ANKRD17: variants seen among roughly 807,000 people sequenced by gnomAD.
ANKRD17 encodes the protein ankyrin repeat domain 17.
In ANKRD17, 19 loss-of-function variants were observed where a neutral mutation model predicts 229.7. The observed-to-expected ratio is 0.08, with a 90% CI of 0.06 to 0.12. The LOEUF is 0.12. Among genes scored for constraint, ANKRD17 ranks in the 10% least tolerant of loss-of-function variants. The pLI is 1.00. For synonymous variants in ANKRD17, 1,112 were observed against 1,146.1 expected, an observed-to-expected ratio of 0.97 and a Z score of 0.60; for missense variants, 2,176 against 3,176.8, an observed-to-expected ratio of 0.68 and a Z score of 7.57.
intron 16 of ANKRD17, among the ~76,000 whole-genome samples, chr4:73,132,167 A>G (rs1182613888): frequency 1.3e-5 from 2 of 149,182 alleles, no homozygotes; most frequent in South Asian, 2.1e-4. Flanking sequence ...GTGCAGTGGT[A>G]TGATCTTGGC....
At chr4:73,160,279 C>T (rs1213440274) in intron 3 of ANKRD17, among the ~76,000 whole-genome samples, 6 of 140,984 alleles carry the variant, frequency 4.3e-5, no homozygotes, top group East Asian at 2.1e-4. Context: ...AGTGCAATGG[C>T]GCAATCTCGG....
chr4:73,178,824 C>T (rs1160951118), intron 1 of ANKRD17, among the ~76,000 whole-genome samples: 1 of 151,986 alleles, frequency 6.6e-6, no homozygotes, highest in African/African-American at 2.4e-5. Flanking sequence ...TATCACAGTG[C>T]TACTTACAAA....
chr4:73,118,955 T>C (rs1726353835), intron 21 of ANKRD17, 105 bp from the exon 22 acceptor site: 1 of 1,205,188 alleles, frequency 8.3e-7, no homozygotes, highest in Non-Finnish European at 1.1e-6. Context: ...GGTGAGATCA[T>C]GGCTCACTGC....
At position 73,090,952 on chromosome 4, in the gene ANKRD17, T is replaced by C; in HGVS notation, c.6676A>G (p.Thr2226Ala). ...ACTGAATTCTGACAAGCACTTTGTG[T>C]ACTTAAGGTCGAAGGTAGCTGGACA... The part of the protein sequence containing the change: ...SSVQLPSTLS[T>A]QSACQNSVHP... Residue 2226 changes from threonine (T) to alanine (A), a missense_variant, in exon 29 of 34, where the codon ACA becomes GCA. Coordinates refer to ENST00000358602, the MANE Select transcript of ANKRD17 (RefSeq NM_032217.5). 1 of 1,614,246 alleles carries C rather than the reference T, an allele frequency of 6.2e-7. No individual in the cohort carries two copies. The highest frequency in any genetic ancestry group is 8.5e-7 in the Non-Finnish European group (1 of 1,180,046).
At chr4:73,118,441 C>A (rs1197291022) in intron 22 of ANKRD17, among the ~76,000 whole-genome samples, 1 of 151,728 alleles carries the variant, frequency 6.6e-6, no homozygotes, top group African/African-American at 2.4e-5. Context: ...AGATTTTGAA[C>A]ACATTACTTA....
chr4:73,088,407 C>A (rs536101436), intron 29 of ANKRD17, among the ~76,000 whole-genome samples: 1 of 152,150 alleles, frequency 6.6e-6, no homozygotes, highest in Non-Finnish European at 1.5e-5. Flanking sequence ...CAACTATACA[C>A]TCCCTAAAAA....
rs1476151741 is a variant in ANKRD17, at chr4:73,142,253, C to A, written c.2218G>T (p.Asp740Tyr). The A allele has an allele frequency of 6.5e-7, 1 of 1,544,704 alleles. No individual in the cohort carries two copies. The highest frequency in any genetic ancestry group is 2.5e-5 in the Admixed American group (1 of 39,884). ...TTTTAAAATCTTACCCTATTTAAAT[C>A]GTGGGATGGGGGAGTTAACTGAGTG... Reference protein sequence around the residue: ...DVTQLTPPSHDLNRAPRVPVQ... With the variant: ...DVTQLTPPSHYLNRAPRVPVQ... The change falls in exon 13 of 34, where the codon GAT (aspartate) becomes TAT (tyrosine). Residue 740 changes from aspartate (D) to tyrosine (Y), a missense_variant. By Grantham distance (160) the Asp-to-Tyr change is radical. This residue lies in a region of ANKRD17 where 275 missense variants were observed against 386.9 expected (regional missense o/e 0.71). Transcript: ENST00000358602.
At chr4:73,114,013 T>C (rs1725631311) in intron 23 of ANKRD17, 105 bp from the exon 24 acceptor site, 1 of 712,956 alleles carries the variant, frequency 1.4e-6, no homozygotes, top group Non-Finnish European at 2.3e-6. Flanking sequence ...ACCTAAGCAA[T>C]AAAGATCCAT....
rs1405863430 is a variant in ANKRD17, at chr4:73,073,648, T to G, written c.*2583A>C. ...ATTTACAAAAAAATTAATTTTCATG[T>G]ATCAATAAAAATGACTTGACTTTTC... On this transcript the variant is annotated 3_prime_UTR_variant, in exon 34 of 34. Transcript: ENST00000358602. 1 of 152,092 alleles carries G rather than the reference T, an allele frequency of 6.6e-6. No individual in the cohort carries two copies. Among genetic ancestry groups the G allele is most frequent in the Non-Finnish European group, 1.5e-5 (1 of 67,912 alleles). The allele number at this position is 152,092 out of a possible 1,614,324, so 9.4% of individuals were successfully genotyped here. A position where few individuals can be genotyped will look rare whatever the true frequency, so the allele number is the denominator to read the frequency against.
chr4:73,133,389 G>GT (rs1232065955), intron 16 of ANKRD17, among the ~76,000 whole-genome samples: 54,599 of 123,158 alleles, frequency 0.44, 13,025 homozygotes, highest in Admixed American at 0.5. Flanking sequence ...AATGTCTCGT[G>GT]TTTTTTTTTT....
chr4:73,192,967 G>A (rs1177758672), intron 1 of ANKRD17, among the ~76,000 whole-genome samples: 1 of 151,914 alleles, frequency 6.6e-6, no homozygotes, highest in Non-Finnish European at 1.5e-5. Context: ...GTATACTTTA[G>A]AGTAAAATTC....
chr4:73,149,061 T>C lies in ANKRD17; in HGVS notation c.1330-11A>G, dbSNP rs369835192. ...TTCAACATGGCCATCCTAATGATAA[T>C]ACAATTTAAAAAATTAAATCAGCAC... On this transcript the variant is annotated splice_polypyrimidine_tract_variant and intron_variant, in intron 7 of 33. Coordinates refer to ENST00000358602, the MANE Select transcript of ANKRD17 (RefSeq NM_032217.5). 45 of 1,601,586 alleles carry C rather than the reference T, an allele frequency of 2.8e-5. No homozygotes were observed. Among genetic ancestry groups the C allele is most frequent in the African/African-American group, 1.7e-4 (13 of 74,456 alleles).
chr4:73,101,633 C>G (rs1206960027), intron 25 of ANKRD17, among the ~76,000 whole-genome samples: 1 of 130,492 alleles, frequency 7.7e-6, no homozygotes, highest in Non-Finnish European at 1.5e-5. Context: ...ATACTGCACT[C>G]CAGTCTGGGC....
chr4:73,141,236 A>G (rs938767076), intron 14 of ANKRD17, among the ~76,000 whole-genome samples: 4 of 152,274 alleles, frequency 2.6e-5, no homozygotes, highest in Non-Finnish European at 4.4e-5. Flanking sequence ...AACATACACA[A>G]GTCAAATATG....
chr4:73,171,178 G>GGAGAGAGGGAGAGA (rs1553928535), intron 2 of ANKRD17, among the ~76,000 whole-genome samples: 2 of 104,446 alleles, frequency 1.9e-5, no homozygotes, highest in African/African-American at 8.1e-5. Flanking sequence ...CTCAGAGGGG[G>GGAGAGAGGGAGAGA]GAGAGAGAGA....
intron 1 of ANKRD17, among the ~76,000 whole-genome samples, chr4:73,204,081 C>T (rs774160274): frequency 1.3e-5 from 2 of 151,682 alleles, no homozygotes; most frequent in African/African-American, 2.4e-5. Context: ...CAATCTTGTA[C>T]GGGCGCGGTG....
chr4:73,108,376 T>C (rs767727518), intron 24 of ANKRD17, among the ~76,000 whole-genome samples: 2 of 152,026 alleles, frequency 1.3e-5, no homozygotes, highest in African/African-American at 2.4e-5. Flanking sequence ...AGATACAAAT[T>C]TGGAATCAAC....
chr4:73,170,550 T>C (rs1733851520), intron 2 of ANKRD17, among the ~76,000 whole-genome samples: 1 of 151,456 alleles, frequency 6.6e-6, no homozygotes, highest in South Asian at 2.1e-4. Context: ...GGCGGGGGGC[T>C]GTTAAGTAGA....
intron 24 of ANKRD17, among the ~76,000 whole-genome samples, chr4:73,109,064 C>T (rs1261009433): frequency 3.3e-5 from 5 of 152,128 alleles, no homozygotes; most frequent in Admixed American, 3.3e-4. Context: ...CTTTGGGAGG[C>T]CAAGGCGGGC....
Sources: allele counts gnomAD v4.1 joint callset (sites outside exome capture counted in the v4.1 genomes callset), GRCh38; gene constraint gnomAD v4.1.1; regional missense constraint gnomAD v4.1.1; transcripts MANE v1.5; gene names NCBI Gene and HGNC (gene_info 2026-07-23, HGNC 2026-07-21).